Variants in DNER observed in about 807,000 individuals in gnomAD.
DNER encodes the protein delta and Notch-like epidermal growth factor-related receptor.
DNER carries 33 observed loss-of-function variants against 78.2 expected under a neutral mutation model. The ratio of observed to expected loss-of-function variants is 0.42; its 90% confidence interval spans 0.32 to 0.56. The LOEUF (loss-of-function observed/expected upper bound fraction) is 0.56, where lower values mean the gene tolerates loss of function less well. Ranked by LOEUF, DNER falls within the 20% of genes least tolerant of loss-of-function variation. The pLI, the probability that DNER is intolerant of heterozygous loss-of-function variation, is 0.11. For synonymous variants in DNER, 417 were observed against 384.8 expected, an observed-to-expected ratio of 1.08 and a Z score of -0.98; for missense variants, 918 against 975.3, an observed-to-expected ratio of 0.94 and a Z score of 0.78.
intron 1 of DNER, among the ~76,000 whole-genome samples, chr2:229,669,369 C>CATACATATATATATATATAT (rs1699168050): frequency 6.9e-6 from 1 of 144,746 alleles, no homozygotes; most frequent in African/African-American, 2.5e-5. Flanking sequence ...TGTATACATA[C>CATACATATATATATATATAT]ATATATATAT....
chr2:229,608,508 T>C (rs1490449875), intron 1 of DNER, among the ~76,000 whole-genome samples: 2 of 152,182 alleles, frequency 1.3e-5, no homozygotes, highest in African/African-American at 4.8e-5. Flanking sequence ...GTGAATAAAT[T>C]AAACCGCATG....
In DNER at chr2:229,547,003, G is replaced by A. The variant is rs776934216; in HGVS notation, c.937C>T (p.His313Tyr). Residue 313 changes from histidine (H) to tyrosine (Y), a missense_variant, in exon 5 of 13, where the codon CAC becomes TAC. His to Tyr is a moderately conservative substitution (Grantham distance 83). Coordinates refer to ENST00000341772, the MANE Select transcript of DNER (RefSeq NM_139072.4). ...CCTGAACACTCCAAGTCATTTGCGT[G>A]ACTCTCCCCCGGCACACAGGTGCTG... ...KVSTCVPGES[H>Y]ANDLECSGKG... 2 of 1,614,162 alleles carry A rather than the reference G, an allele frequency of 1.2e-6. No homozygotes were observed. The highest frequency in any genetic ancestry group is 1.7e-5 in the Admixed American group (1 of 60,018).
At chr2:229,545,593 A>T (rs1371071526) in intron 5 of DNER, among the ~76,000 whole-genome samples, 1 of 152,216 alleles carries the variant, frequency 6.6e-6, no homozygotes, top group African/African-American at 2.4e-5. Flanking sequence ...ATATATTTTA[A>T]GAGAGTTCTA....
chr2:229,510,726 C>T (rs138475568), intron 6 of DNER, among the ~76,000 whole-genome samples: 1 of 152,154 alleles, frequency 6.6e-6, no homozygotes, highest in East Asian at 1.9e-4. Flanking sequence ...CCTGGGACAC[C>T]TAAATGGAGA....
intron 4 of DNER, among the ~76,000 whole-genome samples, chr2:229,577,738 G>T (rs1348439434): frequency 4.6e-5 from 7 of 152,138 alleles, no homozygotes; most frequent in African/African-American, 1.7e-4. Flanking sequence ...AATATTCCAG[G>T]GTGCCAGTGT....
chr2:229,539,892 C>A (rs1007863159), intron 5 of DNER, among the ~76,000 whole-genome samples: 3 of 152,192 alleles, frequency 2.0e-5, no homozygotes, highest in Non-Finnish European at 4.4e-5. Flanking sequence ...CTATGAGTTA[C>A]TCATCCAGCA....
At chr2:229,471,757 C>A (rs77698083) in intron 7 of DNER, among the ~76,000 whole-genome samples, 7,846 of 152,252 alleles carry the variant, frequency 0.052, 560 homozygotes, top group African/African-American at 0.16. Flanking sequence ...CTTTCTCCAA[C>A]CTTCACACTA....
intron 8 of DNER, among the ~76,000 whole-genome samples, chr2:229,418,954 G>C (rs919746590): frequency 7.9e-5 from 12 of 151,850 alleles, no homozygotes; most frequent in Admixed American, 6.6e-4. Context: ...AAAAGTGTGA[G>C]AGCCACATTA....
intron 4 of DNER, among the ~76,000 whole-genome samples, chr2:229,567,967 T>C (rs1292595404): frequency 6.6e-6 from 1 of 152,202 alleles, no homozygotes; most frequent in East Asian, 1.9e-4. Context: ...TCACAGTCTT[T>C]ACTGTCCAAA....
intron 10 of DNER, among the ~76,000 whole-genome samples, chr2:229,401,121 T>A (rs569389433): frequency 6.6e-6 from 1 of 152,174 alleles, no homozygotes; most frequent in African/African-American, 2.4e-5. Flanking sequence ...GAAACCCCAA[T>A]GAGCTATCAT....
At chr2:229,652,145 A>T (rs973343152) in intron 1 of DNER, among the ~76,000 whole-genome samples, 1 of 152,236 alleles carries the variant, frequency 6.6e-6, no homozygotes, top group Non-Finnish European at 1.5e-5. Context: ...TGCCCCCTGC[A>T]GTCAAGAACA....
chr2:229,379,033 G>A (rs1324597854), intron 11 of DNER, among the ~76,000 whole-genome samples: 2 of 152,140 alleles, frequency 1.3e-5, no homozygotes, highest in Non-Finnish European at 2.9e-5. Context: ...TGGCCCTATA[G>A]AGAAATATAA....
Position 229,400,364 on chromosome 2 carries a change from C to G in DNER, c.1723+6868G>C, listed in dbSNP as rs552710593. Among the ~76,000 whole-genome samples the G allele has an allele frequency of 5.1e-4, 77 of 151,946 alleles. No individual in the cohort carries two copies. In the Middle Eastern group the frequency reaches 0.027, roughly 54 times the overall value. On this transcript the variant is annotated intron_variant, in intron 10 of 12. Coordinates refer to ENST00000341772, the MANE Select transcript of DNER (RefSeq NM_139072.4). ...TGAGAGGACCTAAAAGCAATGATAT[C>G]CCAGTAAAAACAAGCACAGCTTAGC...
intron 5 of DNER, among the ~76,000 whole-genome samples, chr2:229,531,915 A>G (rs1182565188): frequency 2.0e-5 from 3 of 152,222 alleles, no homozygotes; most frequent in Non-Finnish European, 4.4e-5. Flanking sequence ...GGTCCATTCA[A>G]TATGATTCCA....
At chr2:229,430,568 G>A (rs1693981463) in intron 8 of DNER, among the ~76,000 whole-genome samples, 1 of 152,042 alleles carries the variant, frequency 6.6e-6, no homozygotes, top group African/African-American at 2.4e-5. Flanking sequence ...GATGCTTCCT[G>A]CCCTCGAACA....
intron 1 of DNER, among the ~76,000 whole-genome samples, chr2:229,627,878 G>A (rs1698372134): frequency 6.6e-6 from 1 of 152,204 alleles, no homozygotes; most frequent in Non-Finnish European, 1.5e-5. Flanking sequence ...CTGCAGTGGT[G>A]AGAGGCAGCA....
intron 2 of DNER, among the ~76,000 whole-genome samples, chr2:229,588,926 A>G (rs962675117): frequency 2.6e-5 from 4 of 152,274 alleles, no homozygotes; most frequent in African/African-American, 7.2e-5. Flanking sequence ...TGCAAAGTGC[A>G]TGCAGTATCA....
intron 5 of DNER, among the ~76,000 whole-genome samples, chr2:229,515,996 T>C (rs1459512080): frequency 6.6e-6 from 1 of 152,178 alleles, no homozygotes; most frequent in Non-Finnish European, 1.5e-5. Context: ...ATCCATTTTG[T>C]TTTGCTTTAT....
chr2:229,671,294 C>T (rs1699202633), intron 1 of DNER, among the ~76,000 whole-genome samples: 1 of 152,148 alleles, frequency 6.6e-6, no homozygotes, highest in African/African-American at 2.4e-5. Context: ...CTCGGCTTTC[C>T]CTTGGACACC....
Sources: allele counts gnomAD v4.1 joint callset (sites outside exome capture counted in the v4.1 genomes callset), GRCh38; gene constraint gnomAD v4.1.1; transcripts MANE v1.5; gene names NCBI Gene and HGNC (gene_info 2026-07-23, HGNC 2026-07-21).